The following STEAP4 variants were observed in gnomAD, a reference collection of about 807,000 sequenced individuals.
The protein encoded by STEAP4 is STEAP4 metalloreductase.
STEAP4 carries 36 observed loss-of-function variants against 43.6 expected under a neutral mutation model. The ratio of observed to expected loss-of-function variants is 0.83; its 90% CI spans 0.63 to 1.09. The LOEUF (loss-of-function observed/expected upper bound fraction) is 1.09. Ranked by LOEUF, STEAP4 falls within the 50% of genes least tolerant of loss-of-function variation. The pLI is 0.00. For missense variants in STEAP4, 495 were observed against 546.5 expected (o/e 0.91, Z 0.94); for synonymous variants, 191 against 196.7 (o/e 0.97, Z 0.24).
chr7:88,284,117 G>C lies in STEAP4; in HGVS notation c.153C>G (p.Asn51Lys). ...CGYSVVFGSR[N>K]PQKTTLLPSG... ...TGGGCAGTAGGGTGGTCTTCTGGGGGTTTCGACTTCCAAAAACAACAGAAT... is the reference window on the plus strand; with the variant it reads ...TGGGCAGTAGGGTGGTCTTCTGGGGCTTTCGACTTCCAAAAACAACAGAAT... The change falls in exon 2 of 5, where the codon AAC (asparagine) becomes AAG (lysine). Residue 51 changes from asparagine to lysine, a missense_variant. Transcript: ENST00000380079. The C allele has an allele frequency of 6.2e-7, 1 of 1,614,090 alleles. No individual in the cohort carries two copies. Among genetic ancestry groups the C allele is most frequent in the Non-Finnish European group, 8.5e-7 (1 of 1,180,022 alleles).
chr7:88,302,464 G>T (rs1369925965), intron 1 of STEAP4, among the ~76,000 whole-genome samples: 3 of 152,196 alleles, frequency 2.0e-5, no homozygotes, highest in Non-Finnish European at 4.4e-5. Context: ...TCCAAAGTCT[G>T]TGCAAAAGTT....
In STEAP4 at chr7:88,283,815, T is replaced by C. The variant is rs1161986563; in HGVS notation, c.455A>G (p.Gln152Arg). ...GAGTGTAAATTTGTTTATTCTTACC[T>C]GCCGACTTGCATCCAGTGCTCCTGA... ...LQSGALDASR[Q>R]VFVCGNDSKA... Residue 152 changes from glutamine (Q) to arginine (R), a missense_variant and splice_region_variant, in exon 2 of 5, where the codon CAG becomes CGG. Coordinates refer to ENST00000380079, the MANE Select transcript of STEAP4 (RefSeq NM_024636.4). 1 of 1,608,830 alleles carries C rather than the reference T, an allele frequency of 6.2e-7. No individual in the cohort carries two copies. Among genetic ancestry groups the C allele is most frequent in the African/African-American group, 1.3e-5 (1 of 74,700 alleles).
chr7:88,283,721 T>C, intron 2 of STEAP4, 93 bp downstream of exon 2: 1 of 1,339,118 alleles, frequency 7.5e-7, no homozygotes, highest in South Asian at 1.4e-5. Context: ...TAGTGGGCAT[T>C]TCATCTTGGA....
Position 88,282,834 on chromosome 7 carries a change from A to G in STEAP4, c.791T>C (p.Ile264Thr), listed in dbSNP as rs751946397. The G allele has an allele frequency of 1.9e-6, 3 of 1,614,214 alleles. No individual in the cohort carries two copies. The highest frequency in any genetic ancestry group is 1.7e-5 in the Admixed American group (1 of 60,010). Residue 264 changes from isoleucine (I) to threonine (T), a missense_variant, in exon 3 of 5, where the codon ATT becomes ACT. Coordinates refer to ENST00000380079, the MANE Select transcript of STEAP4 (RefSeq NM_024636.4). Reference sequence around the variant, plus strand: ...TCGGTACAGTTGTAGAATGGCAGCAATAACACCAGGGAGGTAAACCAAAGC... The same window carrying G: ...TCGGTACAGTTGTAGAATGGCAGCAGTAACACCAGGGAGGTAAACCAAAGC... ...LLALVYLPGV[I>T]AAILQLYRGT...
At chr7:88,281,294 G>T (rs1304832864) in intron 3 of STEAP4, among the ~76,000 whole-genome samples, 1 of 152,120 alleles carries the variant, frequency 6.6e-6, no homozygotes, top group Non-Finnish European at 1.5e-5. Flanking sequence ...TTGATTCTAG[G>T]AGTTGTGTAG....
At chr7:88,297,737 G>A (rs1373330748) in intron 1 of STEAP4, among the ~76,000 whole-genome samples, 2 of 152,070 alleles carry the variant, frequency 1.3e-5, no homozygotes, top group Non-Finnish European at 2.9e-5. Context: ...GAGTGCATAT[G>A]TATGAACTAA....
At chr7:88,283,694 T>G in intron 2 of STEAP4, 120 bp downstream of exon 2, 1 of 1,102,676 alleles carries the variant, frequency 9.1e-7, no homozygotes, top group Non-Finnish European at 1.3e-6. Flanking sequence ...CAGCACATAT[T>G]AGCAAAATGT....
chr7:88,304,530 A>C (rs1853096107), intron 1 of STEAP4, among the ~76,000 whole-genome samples: 1 of 152,092 alleles, frequency 6.6e-6, no homozygotes, highest in Non-Finnish European at 1.5e-5. Context: ...ATGTAGCTGC[A>C]GGCACTAGCA....
Position 88,283,869 on chromosome 7 carries a change from A to G in STEAP4, c.401T>C (p.Phe134Ser). ...GAGAGCCCAGGCTGAGATGGTGTTAAATGCTTTTACCACGTGGGCTCCTGG... is the reference window on the plus strand; with the variant it reads ...GAGAGCCCAGGCTGAGATGGTGTTAGATGCTTTTACCACGTGGGCTCCTGG... ...LVPGAHVVKAFNTISAWALQS... is the reference protein window; with the variant it reads ...LVPGAHVVKASNTISAWALQS... The change falls in exon 2 of 5, where the codon TTT (phenylalanine) becomes TCT (serine). Residue 134 changes from phenylalanine to serine, a missense_variant. Coordinates refer to ENST00000380079, the MANE Select transcript of STEAP4 (RefSeq NM_024636.4). 1 of 1,614,150 alleles carries G rather than the reference A, an allele frequency of 6.2e-7. No homozygotes were observed. Among genetic ancestry groups the G allele is most frequent in the Non-Finnish European group, 8.5e-7 (1 of 1,180,020 alleles).
chr7:88,285,944 T>C (rs1852726117), intron 1 of STEAP4, among the ~76,000 whole-genome samples: 1 of 152,174 alleles, frequency 6.6e-6, no homozygotes, highest in African/African-American at 2.4e-5. Context: ...CCTTGCCTGC[T>C]ACCTAGACAG....
At position 88,272,740 on chromosome 7, in the gene STEAP4, T is replaced by C. The variant is rs769337620; in HGVS notation, c.*6658A>G. Reference sequence around the variant, plus strand: ...AAAAATTACTGGCCCCCATCTCTGATAGTTGGTGAGGCACTGCTTTAAATG... The same window carrying C: ...AAAAATTACTGGCCCCCATCTCTGACAGTTGGTGAGGCACTGCTTTAAATG... On this transcript the variant is annotated 3_prime_UTR_variant, in exon 5 of 5. Transcript: ENST00000380079. 1 of 152,224 alleles carries C rather than the reference T, an allele frequency of 6.6e-6. No homozygotes were observed. The allele number at this position is 152,224 out of a possible 1,614,324, so 9.4% of individuals were successfully genotyped here.
intron 1 of STEAP4, among the ~76,000 whole-genome samples, chr7:88,296,316 T>C (rs1471465680): frequency 1.3e-5 from 2 of 152,172 alleles, no homozygotes; most frequent in African/African-American, 4.8e-5. Flanking sequence ...TCTGAATTCC[T>C]CAGACATTAT....
At chr7:88,303,700 T>A (rs988199747) in intron 1 of STEAP4, among the ~76,000 whole-genome samples, 1 of 152,212 alleles carries the variant, frequency 6.6e-6, no homozygotes, top group Non-Finnish European at 1.5e-5. Flanking sequence ...TCTTTTGCAA[T>A]GATATGTTTC....
At chr7:88,281,573 A>C (rs1297211855) in intron 3 of STEAP4, 1 of 152,290 alleles carries the variant, frequency 6.6e-6, no homozygotes, top group Non-Finnish European at 1.5e-5. Context: ...TGTGACTCTT[A>C]CCCAGGAAAC....
chr7:88,287,328 G>A (rs1226673976), intron 1 of STEAP4, among the ~76,000 whole-genome samples: 4 of 152,154 alleles, frequency 2.6e-5, no homozygotes, highest in Non-Finnish European at 5.9e-5. Flanking sequence ...CATCACCAGA[G>A]GTGGGCTACA....
At chr7:88,300,663 C>A (rs1384719706) in intron 1 of STEAP4, among the ~76,000 whole-genome samples, 1 of 152,140 alleles carries the variant, frequency 6.6e-6, no homozygotes, top group African/African-American at 2.4e-5. Flanking sequence ...CCAAGTGCTA[C>A]AAATCAGGAC....
chr7:88,306,204 T>C (rs1853128088), intron 1 of STEAP4, among the ~76,000 whole-genome samples: 1 of 152,184 alleles, frequency 6.6e-6, no homozygotes, highest in Non-Finnish European at 1.5e-5. Flanking sequence ...GTTCCTAAAT[T>C]ACCATCTAGA....
rs1015550229 is a variant in STEAP4 at position 88,275,990 on chromosome 7, C to T, written c.*3408G>A. ...AACACCCATCAGAGCTGCAGCAGTCCAGTTGTGCAAGGCATTTAATGCCCA... is the reference window on the plus strand; with the variant it reads ...AACACCCATCAGAGCTGCAGCAGTCTAGTTGTGCAAGGCATTTAATGCCCA... On this transcript the variant is annotated 3_prime_UTR_variant, in exon 5 of 5. Transcript: ENST00000380079. The T allele has an allele frequency of 6.6e-6, 1 of 152,138 alleles. No individual in the cohort carries two copies. Among genetic ancestry groups the T allele is most frequent in the African/African-American group, 2.4e-5 (1 of 41,412 alleles). 9.4% of individuals were successfully genotyped at this position (152,138 alleles called of 1,614,324 possible).
chr7:88,286,764 AAC>A (rs61360123), intron 1 of STEAP4, among the ~76,000 whole-genome samples: 10,113 of 133,582 alleles, frequency 0.076, 496 homozygotes, highest in African/African-American at 0.16. Flanking sequence ...CATACATATA[AAC>A]ACACACACAC....
Sources: allele counts gnomAD v4.1 joint callset (sites outside exome capture counted in the v4.1 genomes callset), GRCh38; gene constraint gnomAD v4.1.1; transcripts MANE v1.5; gene names NCBI Gene and HGNC (gene_info 2026-07-23, HGNC 2026-07-21).